DTNA: variants seen among roughly 807,000 people sequenced by gnomAD.
The protein encoded by DTNA is dystrophin-related protein 3.
DTNA carries 43 observed loss-of-function variants against 100.7 expected under a neutral mutation model. The observed-to-expected ratio is 0.43, with a 90% confidence interval of 0.33 to 0.55. The LOEUF (loss-of-function observed/expected upper bound fraction) is 0.55, where lower values mean the gene tolerates loss of function less well. Ranked by LOEUF, DTNA falls within the 20% of genes least tolerant of loss-of-function variation. The pLI is 0.04. For missense variants in DTNA, 798 were observed against 953.9 expected (o/e 0.84, Z 2.15); for synonymous variants, 349 against 347.9 (o/e 1.00, Z -0.04).
At chr18:34,776,120 AC>A (rs2094033791) in intron 3 of DTNA, among the ~76,000 whole-genome samples, 1 of 152,168 alleles carries the variant, frequency 6.6e-6, no homozygotes, top group Non-Finnish European at 1.5e-5. Flanking sequence ...GTTTTACACA[AC>A]TGATGAAGTT....
chr18:34,755,901 GT>G (rs1423524166), intron 1 of DTNA, 74 bp from the exon 2 acceptor site: 4 of 1,302,598 alleles, frequency 3.1e-6, no homozygotes, highest in Non-Finnish European at 4.4e-6. Context: ...AGTACAGCAA[GT>G]ACGTTTACAG....
chr18:34,861,469 G>A (rs926551652), intron 16 of DTNA, among the ~76,000 whole-genome samples: 1 of 118,708 alleles, frequency 8.4e-6, no homozygotes, highest in African/African-American at 3.2e-5. Flanking sequence ...CTGGGCGACT[G>A]AGCGAGACTC....
chr18:34,775,849 CTG>C (rs2094019288), intron 3 of DTNA, among the ~76,000 whole-genome samples: 1 of 152,214 alleles, frequency 6.6e-6, no homozygotes, highest in Admixed American at 6.5e-5. Context: ...AACTACAGAA[CTG>C]TGAGTTAATA....
chr18:34,593,161 G>C (rs2049935636), intron 1 of DTNA, among the ~76,000 whole-genome samples: 1 of 152,142 alleles, frequency 6.6e-6, no homozygotes, highest in Admixed American at 6.6e-5. Flanking sequence ...TACCCACGTA[G>C]AGACAGGTAA....
intron 1 of DTNA, among the ~76,000 whole-genome samples, chr18:34,680,024 A>G (rs1178761453): frequency 6.6e-6 from 1 of 152,192 alleles, no homozygotes. Flanking sequence ...GGAAAATTTG[A>G]TGGTGATAAT....
In DTNA at chr18:34,818,680, T is replaced by C. The variant is rs2095645644; in HGVS notation, c.876+350T>C. Reference sequence around the variant, plus strand: ...AAAATCTTTTCCAAGTTTTGTTTTGTGGAAACGGCTTAAAAATTATTGTTA... The same window carrying C: ...AAAATCTTTTCCAAGTTTTGTTTTGCGGAAACGGCTTAAAAATTATTGTTA... On this transcript the variant is annotated intron_variant, in intron 8 of 22. Coordinates refer to ENST00000444659, the MANE Select transcript of DTNA (RefSeq NM_001386795.1). 2.7e-6 allele frequency: 3 copies of C among 1,107,248 alleles called. No homozygotes were observed. The African/African-American group carries it at 4.9e-5, about 18-fold the overall frequency. 68.6% of individuals were successfully genotyped at this position (1,107,248 alleles called of 1,614,324 possible).
chr18:34,665,390 G>T (rs539183630), intron 1 of DTNA, among the ~76,000 whole-genome samples: 1 of 151,894 alleles, frequency 6.6e-6, no homozygotes, highest in East Asian at 1.9e-4. Flanking sequence ...TTTATGATTG[G>T]GGTTTAATGC....
At chr18:34,594,548 G>A (rs1336714287) in intron 1 of DTNA, among the ~76,000 whole-genome samples, 5 of 152,244 alleles carry the variant, frequency 3.3e-5, no homozygotes, top group Middle Eastern at 3.4e-3. Context: ...CCAGTTTTTT[G>A]TCTTGTCAAA....
At chr18:34,723,963 A>G (rs563962566) in intron 1 of DTNA, among the ~76,000 whole-genome samples, 4 of 152,298 alleles carry the variant, frequency 2.6e-5, no homozygotes, top group African/African-American at 9.6e-5. Context: ...ACTCTTAATC[A>G]AATACATTCA....
upstream of DTNA, among the ~76,000 whole-genome samples, chr18:34,706,821 G>A (rs1478962420): frequency 1.3e-5 from 2 of 152,110 alleles, no homozygotes; most frequent in Non-Finnish European, 2.9e-5. Flanking sequence ...AAATTTTTAT[G>A]AGCAGAATAG....
chr18:34,564,331 A>G (rs2849487), intron 1 of DTNA, among the ~76,000 whole-genome samples: 14,045 of 152,156 alleles, frequency 0.092, 651 homozygotes, highest in South Asian at 0.11. Context: ...TTTAGTAGAG[A>G]CAGGGTTTCA....
intron 11 of DTNA, among the ~76,000 whole-genome samples, chr18:34,834,231 C>T (rs1016245795): frequency 1.3e-5 from 2 of 151,948 alleles, no homozygotes; most frequent in Non-Finnish European, 2.9e-5. Context: ...CACGGTGGCT[C>T]ACGCTTGTAA....
intron 1 of DTNA, among the ~76,000 whole-genome samples, chr18:34,740,968 A>C (rs948418625): frequency 1.3e-5 from 2 of 152,120 alleles, no homozygotes; most frequent in Non-Finnish European, 2.9e-5. Context: ...GAATCAGAGG[A>C]GCATGATGTA....
At chr18:34,833,415 TG>T (rs1457174782) in intron 11 of DTNA, among the ~76,000 whole-genome samples, 43 of 152,030 alleles carry the variant, frequency 2.8e-4, no homozygotes, top group African/African-American at 1.0e-3. Context: ...TGTGTGTGTG[TG>T]TGTGTGTGTG....
chr18:34,791,606 A>C (rs1321393911), intron 3 of DTNA, among the ~76,000 whole-genome samples: 1 of 152,194 alleles, frequency 6.6e-6, no homozygotes, highest in African/African-American at 2.4e-5. Flanking sequence ...AAATACAAAT[A>C]ATTTCCTTGT....
intron 2 of DTNA, among the ~76,000 whole-genome samples, chr18:34,762,709 G>T (rs1425335321): frequency 6.6e-6 from 1 of 152,220 alleles, no homozygotes; most frequent in Non-Finnish European, 1.5e-5. Flanking sequence ...GTGCACGGTT[G>T]TGTGCTGCTA....
rs2096671874 is a variant in DTNA at position 34,864,488 on chromosome 18, C to T, written c.1743+426C>T. Among the ~76,000 whole-genome samples, 5 of 151,932 alleles carry T rather than the reference C, an allele frequency of 3.3e-5. No homozygotes were observed. In the East Asian group the frequency reaches 5.8e-4, roughly 18 times the overall value. On this transcript the variant is annotated intron_variant, in intron 17 of 22. Coordinates refer to ENST00000444659, the MANE Select transcript of DTNA (RefSeq NM_001386795.1). Reference sequence around the variant, plus strand: ...CAGGATGGTCTCGATCTCCTGACCTCGTGATCCGCCCGCCTCGGCCTCCCA... The same window carrying T: ...CAGGATGGTCTCGATCTCCTGACCTTGTGATCCGCCCGCCTCGGCCTCCCA...
Position 34,890,437 on chromosome 18 carries a change from C to T in DTNA, c.*2703C>T, listed in dbSNP as rs2096959458. 1 of 1,536,128 alleles carries T rather than the reference C, an allele frequency of 6.5e-7. No individual in the cohort carries two copies. The highest frequency in any genetic ancestry group is 2.4e-5 in the East Asian group (1 of 40,916). ...TCCAGATTTACTTTTGGGGCCTGTT[C>T]TAAGTGCAAACCCAGCAAGTTTCAC... is the stretch of plus-strand genomic sequence containing the variant. On this transcript the variant is annotated 3_prime_UTR_variant, in exon 23 of 23. Coordinates refer to ENST00000444659, the MANE Select transcript of DTNA (RefSeq NM_001386795.1).
intron 1 of DTNA, chr18:34,663,118 T>C (rs1168446463): frequency 1.3e-5 from 2 of 152,146 alleles, no homozygotes; most frequent in Non-Finnish European, 2.9e-5. Flanking sequence ...TTATTAAGTC[T>C]TGGGAGTGTA....
Sources: allele counts gnomAD v4.1 joint callset (sites outside exome capture counted in the v4.1 genomes callset), GRCh38; gene constraint gnomAD v4.1.1; transcripts MANE v1.5; gene names NCBI Gene and HGNC (gene_info 2026-07-23, HGNC 2026-07-21).